The following SHC4 variants were observed in gnomAD, a reference collection of about 807,000 sequenced individuals.
SHC4 encodes the protein SHC adaptor protein 4.
SHC4 carries 41 observed loss-of-function variants against 69.4 expected under a neutral mutation model. The observed-to-expected ratio is 0.59, with a 90% confidence interval of 0.46 to 0.77. SHC4 has a LOEUF of 0.77. Ranked by LOEUF, SHC4 falls within the 30% of genes least tolerant of loss-of-function variation. SHC4 has a pLI of 0.00. For missense variants in SHC4, 777 were observed against 783.8 expected (o/e 0.99, Z 0.10); for synonymous variants, 318 against 299.3 (o/e 1.06, Z -0.64).
chr15:48,885,115 GAGA>G (rs1900009892), intron 3 of SHC4, among the ~76,000 whole-genome samples: 1 of 152,178 alleles, frequency 6.6e-6, no homozygotes, highest in Non-Finnish European at 1.5e-5. Context: ...ATTTCTCAAG[GAGA>G]AGAAGTGTGG....
intron 1 of SHC4, among the ~76,000 whole-genome samples, chr15:48,948,668 G>T (rs1195971619): frequency 6.6e-6 from 1 of 152,210 alleles, no homozygotes. Context: ...CACTTTGGAA[G>T]GCCGAGGCAG....
intron 6 of SHC4, among the ~76,000 whole-genome samples, chr15:48,858,050 C>T (rs1475479533): frequency 6.6e-6 from 1 of 152,120 alleles, no homozygotes; most frequent in Non-Finnish European, 1.5e-5. Context: ...ACTGGGTGCT[C>T]AAGGCAGGGA....
intron 1 of SHC4, among the ~76,000 whole-genome samples, chr15:48,950,017 A>C (rs1312733149): frequency 7.0e-6 from 1 of 142,420 alleles, no homozygotes; most frequent in Non-Finnish European, 1.5e-5. Context: ...TAAAATATTT[A>C]TTATTAATAA....
chr15:48,899,652 A>T (rs574731931), intron 2 of SHC4, among the ~76,000 whole-genome samples: 3 of 151,900 alleles, frequency 2.0e-5, no homozygotes, highest in Admixed American at 1.3e-4. Flanking sequence ...TTTTTTGGGA[A>T]TTCCATTTTT....
chr15:48,929,833 C>G (rs1308857340), intron 1 of SHC4, among the ~76,000 whole-genome samples: 1 of 152,208 alleles, frequency 6.6e-6, no homozygotes, highest in Non-Finnish European at 1.5e-5. Flanking sequence ...CTCAGACAAC[C>G]TGCCCATTCA....
intron 1 of SHC4, among the ~76,000 whole-genome samples, chr15:48,956,302 A>G (rs1029094768): frequency 6.6e-6 from 1 of 152,210 alleles, no homozygotes; most frequent in African/African-American, 2.4e-5. Flanking sequence ...TGAGCGACCC[A>G]GGTCTGGCTT....
At chr15:48,886,119 T>C (rs1162251659) in intron 3 of SHC4, among the ~76,000 whole-genome samples, 1 of 151,158 alleles carries the variant, frequency 6.6e-6, no homozygotes, top group Non-Finnish European at 1.5e-5. Context: ...TAGCCAGGCG[T>C]GGTGGCGCAT....
At chr15:48,863,223 G>A (rs1461122851) in intron 6 of SHC4, among the ~76,000 whole-genome samples, 3 of 151,866 alleles carry the variant, frequency 2.0e-5, no homozygotes, top group African/African-American at 7.3e-5. Flanking sequence ...AAAAATTACA[G>A]AAAATTTCAC....
intron 10 of SHC4, 43 bp from the exon 11 acceptor site, chr15:48,835,065 T>TCATCCATC: frequency 1.3e-6 from 2 of 1,561,540 alleles, no homozygotes; most frequent in Non-Finnish European, 1.7e-6. Flanking sequence ...AGTTACCTCT[T>TCATCCATC]CATCCATCCA....
Position 48,962,850 on chromosome 15 carries a change from G to T in SHC4, c.166C>A (p.Pro56Thr). 6.2e-7 allele frequency: 1 copy of T among 1,613,004 alleles called. No homozygotes were observed. Among genetic ancestry groups the T allele is most frequent in the Non-Finnish European group, 8.5e-7 (1 of 1,180,010 alleles). Reference sequence around the variant, plus strand: ...GCCAGGGCGGGGTGGGGAGGCTGCGGCGAGCCCTTGTTCCCGACCGAGCCT... The same window carrying T: ...GCCAGGGCGGGGTGGGGAGGCTGCGTCGAGCCCTTGTTCCCGACCGAGCCT... ...SGGSVGNKGS[P>T]QPPHPALAPH... The change falls in exon 1 of 12, where the codon CCG (proline) becomes ACG (threonine). Residue 56 changes from proline (P) to threonine (T), a missense_variant. By Grantham distance (38) the Pro-to-Thr change is conservative. Coordinates refer to ENST00000332408, the MANE Select transcript of SHC4 (RefSeq NM_203349.4).
intron 4 of SHC4, chr15:48,878,124 C>G: frequency 6.6e-7 from 1 of 1,508,718 alleles, no homozygotes; most frequent in Non-Finnish European, 8.9e-7. Flanking sequence ...CGCACGGCCG[C>G]GCAGCATCTG....
intron 2 of SHC4, among the ~76,000 whole-genome samples, chr15:48,891,264 A>C (rs918843761): frequency 6.6e-6 from 1 of 152,222 alleles, no homozygotes; most frequent in Non-Finnish European, 1.5e-5. Context: ...GAGAAAATTT[A>C]AAAGGATCGG....
At chr15:48,878,322 C>A in intron 4 of SHC4, 1 of 1,613,604 alleles carries the variant, frequency 6.2e-7, no homozygotes. Flanking sequence ...CGCAGCGGGG[C>A]CCAACAGCTC....
intron 1 of SHC4, among the ~76,000 whole-genome samples, chr15:48,925,725 G>A (rs566736978): frequency 5.9e-5 from 9 of 152,148 alleles, no homozygotes; most frequent in East Asian, 1.9e-4. Context: ...GGCGTGATGC[G>A]ATTAGATCTG....
At chr15:48,840,135 C>T (rs2140971124) in intron 10 of SHC4, among the ~76,000 whole-genome samples, 1 of 152,318 alleles carries the variant, frequency 6.6e-6, no homozygotes, top group South Asian at 2.1e-4. Flanking sequence ...AGATGGAAAC[C>T]AGATGTTGAG....
chr15:48,847,032 T>C, intron 9 of SHC4, among the ~76,000 whole-genome samples: 1 of 151,756 alleles, frequency 6.6e-6, no homozygotes, highest in East Asian at 1.9e-4. Context: ...CTTTTTTTTT[T>C]TCATATGGGC....
intron 4 of SHC4, chr15:48,878,049 G>A: frequency 1.6e-6 from 2 of 1,228,476 alleles, no homozygotes; most frequent in East Asian, 2.4e-5. Context: ...GTAGGAGGCG[G>A]TACCTGAGGA....
intron 3 of SHC4, among the ~76,000 whole-genome samples, chr15:48,885,386 A>G (rs1254187040): frequency 1.3e-5 from 2 of 152,338 alleles, no homozygotes; most frequent in African/African-American, 4.8e-5. Context: ...AATAATAACT[A>G]GAGAACATTT....
At chr15:48,908,202 C>T (rs562971032) in intron 2 of SHC4, among the ~76,000 whole-genome samples, 10 of 152,256 alleles carry the variant, frequency 6.6e-5, no homozygotes, top group East Asian at 5.8e-4. Flanking sequence ...ACCACATCCA[C>T]GCCAACATCT....
Sources: gnomAD v4.1 joint callset for allele counts (sites outside exome capture counted in the v4.1 genomes callset) on GRCh38, gnomAD v4.1.1 for gene constraint, MANE v1.5 for transcripts, NCBI Gene and HGNC (gene_info 2026-07-23, HGNC 2026-07-21) for gene names.